The following NXN variants were observed in gnomAD, a reference collection of about 807,000 sequenced individuals.
NXN encodes the protein nucleoredoxin 1.
NXN carries 16 observed loss-of-function variants against 48.6 expected under a neutral mutation model. That is an observed-to-expected ratio of 0.33 (90% CI 0.22 to 0.50). The LOEUF is 0.50. NXN is among the 20% of genes least tolerant of loss of function. NXN has a pLI of 0.98. For synonymous variants in NXN, 281 were observed against 269.6 expected (o/e 1.04, Z -0.41); for missense variants, 492 against 605.5 (o/e 0.81, Z 1.97).
intron 1 of NXN, among the ~76,000 whole-genome samples, chr17:902,600 C>CT (rs1203819732): frequency 1.3e-5 from 2 of 152,096 alleles, no homozygotes; most frequent in African/African-American, 4.8e-5. Context: ...GACTTACTTT[C>CT]TTCCCTCCAA....
intron 1 of NXN, among the ~76,000 whole-genome samples, chr17:945,304 A>G (rs2069030106): frequency 6.6e-6 from 1 of 151,266 alleles, no homozygotes; most frequent in Non-Finnish European, 1.5e-5. Context: ...CTGGTCTCCA[A>G]CTCCTGACCT....
rs917653586 is a variant in NXN, at chr17:933,879, G to A, written c.360+45440C>T. ...ACACTTATCAATTTGGACTAAAGTCGTGGATTCCAATACAAGCAGCCAAGG... is the reference window on the plus strand; with the variant it reads ...ACACTTATCAATTTGGACTAAAGTCATGGATTCCAATACAAGCAGCCAAGG... On this transcript the variant is annotated intron_variant, in intron 1 of 7. Coordinates refer to ENST00000336868, the MANE Select transcript of NXN (RefSeq NM_022463.5). Among the ~76,000 whole-genome samples, 8 of 152,006 alleles carry A rather than the reference G, an allele frequency of 5.3e-5. No homozygotes were observed. In the South Asian group the frequency reaches 1.2e-3, roughly 24 times the overall value.
At chr17:899,827 C>T (rs113115630) in intron 1 of NXN, among the ~76,000 whole-genome samples, 6 of 152,124 alleles carry the variant, frequency 3.9e-5, no homozygotes, top group African/African-American at 1.2e-4. Flanking sequence ...GAGTTCGAGG[C>T]TGCAGTGAGC....
intron 5 of NXN, among the ~76,000 whole-genome samples, chr17:806,003 G>A (rs1162166618): frequency 2.0e-5 from 3 of 152,048 alleles, no homozygotes; most frequent in Admixed American, 6.5e-5. Context: ...TGTGGCCACC[G>A]ATGCAAGACG....
chr17:903,580 GC>G (rs1291832480), intron 1 of NXN, among the ~76,000 whole-genome samples: 3 of 151,184 alleles, frequency 2.0e-5, no homozygotes, highest in Non-Finnish European at 4.4e-5. Context: ...ACGGTGTTTT[GC>G]CTTGTTGCAC....
chr17:857,971 CTTTT>C (rs57517105), intron 1 of NXN, among the ~76,000 whole-genome samples: 1 of 140,682 alleles, frequency 7.1e-6, no homozygotes. Context: ...AGATATAAAT[CTTTT>C]TTTTTTTTTT....
At chr17:959,803 A>G (rs2069215523) in intron 1 of NXN, among the ~76,000 whole-genome samples, 1 of 146,206 alleles carries the variant, frequency 6.8e-6, no homozygotes, top group African/African-American at 2.6e-5. Flanking sequence ...TAAAAAAAAA[A>G]AAAACAGGGC....
At position 822,402 on chromosome 17, in the gene NXN, T is replaced by C. The variant is rs1212707935; in HGVS notation, c.668A>G (p.Lys223Arg). ...RVLVESYRKI[K>R]EAGQNFEIIF... ...GATCTCGAAGTTCTGGCCTGCCTCC[T>C]TGATCTTCCGGTAGGATTCCACCAG... Residue 223 changes from lysine to arginine, a missense_variant, in exon 4 of 8, where the codon AAG (lysine) becomes AGG (arginine). Coordinates refer to ENST00000336868, the MANE Select transcript of NXN (RefSeq NM_022463.5). 3.1e-6 allele frequency: 5 copies of C among 1,614,118 alleles called. No homozygotes were observed. The highest frequency in any genetic ancestry group is 1.3e-5 in the African/African-American group (1 of 75,038).
chr17:803,548 G>T, intron 7 of NXN, 134 bp downstream of exon 7: 3 of 1,092,358 alleles, frequency 2.7e-6, no homozygotes, highest in Non-Finnish European at 4.0e-6. Flanking sequence ...TGCCACATTT[G>T]TCTGTGGGCT....
At chr17:886,777 CAAAAA>C (rs5818771) in intron 1 of NXN, among the ~76,000 whole-genome samples, 1 of 124,368 alleles carries the variant, frequency 8.0e-6, no homozygotes, top group African/African-American at 2.9e-5. Context: ...GACTCTGTCT[CAAAAA>C]AAAAAAAAAA....
intron 5 of NXN, among the ~76,000 whole-genome samples, chr17:818,421 TTC>T (rs1912609157): frequency 2.0e-5 from 3 of 151,812 alleles, no homozygotes; most frequent in African/African-American, 7.3e-5. Context: ...CTCCCAACAA[TTC>T]TCTGTGGCAA....
chr17:931,941 C>T (rs942350693), intron 1 of NXN, among the ~76,000 whole-genome samples: 1 of 147,682 alleles, frequency 6.8e-6, no homozygotes, highest in South Asian at 2.1e-4. Context: ...GCCAGTAGAT[C>T]AAGACCAGCC....
intron 1 of NXN, among the ~76,000 whole-genome samples, chr17:935,904 C>G (rs921348209): frequency 6.6e-6 from 1 of 152,040 alleles, no homozygotes; most frequent in African/African-American, 2.4e-5. Flanking sequence ...ACCAGCCTGA[C>G]CAACATGGTG....
chr17:926,541 TTTTG>T (rs796489451), intron 1 of NXN, among the ~76,000 whole-genome samples: 7 of 66,580 alleles, frequency 1.1e-4, no homozygotes, highest in South Asian at 5.4e-4. Context: ...TTTGTTTTTT[TTTTG>T]TTTTTTTGTT....
intron 1 of NXN, among the ~76,000 whole-genome samples, chr17:856,207 G>T (rs1288289118): frequency 6.6e-6 from 1 of 151,846 alleles, no homozygotes; most frequent in Non-Finnish European, 1.5e-5. Flanking sequence ...AAAAAAAGAG[G>T]GTCTGATCTC....
intron 1 of NXN, chr17:842,419 G>A (rs536900940): frequency 1.6e-4 from 111 of 675,308 alleles, no homozygotes; most frequent in Admixed American, 1.0e-3. Flanking sequence ...CCGGGAGCCC[G>A]GGTCCGGCTG....
intron 1 of NXN, among the ~76,000 whole-genome samples, chr17:832,155 C>T (rs556704749): frequency 6.6e-6 from 1 of 150,376 alleles, no homozygotes; most frequent in East Asian, 2.0e-4. Flanking sequence ...CAAACGTAAG[C>T]ATGTGCTTTG....
At chr17:911,443 C>A (rs979871161) in intron 1 of NXN, among the ~76,000 whole-genome samples, 7 of 149,932 alleles carry the variant, frequency 4.7e-5, no homozygotes, top group Non-Finnish European at 1.0e-4. Flanking sequence ...AGGTTCATGC[C>A]ATTCTCCTGC....
intron 1 of NXN, among the ~76,000 whole-genome samples, chr17:913,711 T>G (rs1424735256): frequency 6.6e-6 from 1 of 151,876 alleles, no homozygotes; most frequent in African/African-American, 2.4e-5. Context: ...TCAGATGACT[T>G]TTCTCTCCTG....
Sources: allele counts gnomAD v4.1 joint callset (sites outside exome capture counted in the v4.1 genomes callset), GRCh38; gene constraint gnomAD v4.1.1; transcripts MANE v1.5; gene names NCBI Gene and HGNC (gene_info 2026-07-23, HGNC 2026-07-21).